The following POLR2M variants were observed in gnomAD, a reference collection of about 807,000 sequenced individuals.
The protein encoded by POLR2M is protein GRINL1A.
A neutral mutation model predicts 34.6 loss-of-function variants in POLR2M; 30 were observed. That is an observed-to-expected ratio of 0.87 (90% CI 0.65 to 1.18). POLR2M has a LOEUF of 1.18. Among genes scored for constraint, POLR2M ranks in the 50% most tolerant of loss-of-function variants. The pLI is 0.00. For synonymous variants in POLR2M, 150 were observed against 166.7 expected (o/e 0.90, Z 0.77); for missense variants, 432 against 448.7 (o/e 0.96, Z 0.34).
chr15:57,708,397 A>T (rs1176932775), intron 1 of POLR2M, among the ~76,000 whole-genome samples: 1 of 152,178 alleles, frequency 6.6e-6, no homozygotes, highest in Middle Eastern at 3.2e-3. Flanking sequence ...AATTTTGGAG[A>T]TTGCACTTTA....
rs773384822 is a variant in POLR2M, at chr15:57,714,632, C to T, written c.1060C>T (p.Arg354Ter). 5.6e-6 allele frequency: 9 copies of T among 1,612,190 alleles called. No individual in the cohort carries two copies. The highest frequency in any genetic ancestry group is 2.2e-5 in the East Asian group (1 of 44,874). Residue 354 changes from arginine to a stop codon, truncating the protein, a stop_gained, in exon 4 of 4, where the codon CGA becomes TGA. Transcript: ENST00000299638. LOFTEE classifies it high-confidence loss of function. ...AGAAGGGGAGTCTTCAGGGAGATAC[C>T]GAGAAGTAAGGGATGAAGATGACGA... ...NPEGESSGRYREVRDEDDDWS... is the reference protein window; with the variant it reads ...NPEGESSGRY
chr15:57,710,631 C>G (rs958573141), intron 2 of POLR2M, among the ~76,000 whole-genome samples: 1 of 152,142 alleles, frequency 6.6e-6, no homozygotes. Context: ...GAACCATCAT[C>G]TAGTCAATAA....
chr15:57,717,491 A>G lies in POLR2M; in HGVS notation c.*2812A>G, dbSNP rs2040993807. ...CCTTTTAAGAATTATTTTACCAGTT[A>G]TGTGTATAACAATATGGTTTACATT... On this transcript the variant is annotated 3_prime_UTR_variant, in exon 4 of 4. Coordinates refer to ENST00000299638, the MANE Select transcript of POLR2M (RefSeq NM_015532.5). 1 of 152,216 alleles carries G rather than the reference A, an allele frequency of 6.6e-6. No homozygotes were observed. The highest frequency in any genetic ancestry group is 2.4e-5 in the African/African-American group (1 of 41,448). 9.4% of individuals were successfully genotyped at this position (152,216 alleles called of 1,614,324 possible). A position where few individuals can be genotyped will look rare whatever the true frequency, so the allele number is the denominator to read the frequency against.
Position 57,714,769 on chromosome 15 carries a change from A to T in POLR2M, c.*90A>T. 6.5e-7 allele frequency: 1 copy of T among 1,534,004 alleles called. No homozygotes were observed. The highest frequency in any genetic ancestry group is 1.3e-5 in the South Asian group (1 of 78,830). The stretch of plus-strand genomic sequence containing the variant: ...TCAAGATCAGTGTCAGATATTGTTG[A>T]GGGAAGTAATTTTATAAAGTTACAC... On this transcript the variant is annotated 3_prime_UTR_variant, in exon 4 of 4. Transcript: ENST00000299638.
At chr15:57,714,438 G>T in intron 3 of POLR2M, 98 bp from the exon 4 acceptor site, 1 of 1,560,576 alleles carries the variant, frequency 6.4e-7, no homozygotes, top group South Asian at 1.2e-5. Context: ...TGAGGTGTCA[G>T]TGTCCCTCTT....
intron 2 of POLR2M, among the ~76,000 whole-genome samples, chr15:57,710,690 C>T (rs1182101762): frequency 1.3e-5 from 2 of 152,100 alleles, no homozygotes; most frequent in Non-Finnish European, 1.5e-5. Context: ...GGTCATTTAG[C>T]TGGGAGTGGG....
chr15:57,707,157 A>G, intron 1 of POLR2M: 1 of 1,512,800 alleles, frequency 6.6e-7, no homozygotes, highest in Non-Finnish European at 8.9e-7. Flanking sequence ...TATGCCTGCG[A>G]GGATAGCTCG....
rs1355448684 is a variant in POLR2M, at chr15:57,714,786, A to G, written c.*107A>G. 1 of 1,507,162 alleles carries G rather than the reference A, an allele frequency of 6.6e-7. No homozygotes were observed. The highest frequency in any genetic ancestry group is 8.9e-7 in the Non-Finnish European group (1 of 1,125,498). 93.4% of individuals were successfully genotyped at this position (1,507,162 alleles called of 1,614,324 possible). A position where few individuals can be genotyped will look rare whatever the true frequency, so the allele number is the denominator to read the frequency against. ...TATTGTTGAGGGAAGTAATTTTATA[A>G]AGTTACACAAAGGTAGTTATAAAAA... is the stretch of plus-strand genomic sequence containing the variant. On this transcript the variant is annotated 3_prime_UTR_variant, in exon 4 of 4. Coordinates refer to ENST00000299638, the MANE Select transcript of POLR2M (RefSeq NM_015532.5).
At chr15:57,707,174 A>G in intron 1 of POLR2M, 1 of 1,492,430 alleles carries the variant, frequency 6.7e-7, no homozygotes, top group Non-Finnish European at 8.9e-7. Context: ...CTCGGATTGA[A>G]CGGCTACCTG....
intron 1 of POLR2M, 118 bp downstream of exon 1, chr15:57,707,073 T>G: frequency 1.3e-6 from 2 of 1,551,546 alleles, no homozygotes; most frequent in South Asian, 2.4e-5. Flanking sequence ...CTCAGTCACA[T>G]TCGCTTCAGT....
At position 57,709,161 on chromosome 15, in the gene POLR2M, C is replaced by T. The variant is rs2040611815; in HGVS notation, c.561C>T (p.Ser187=). Reference sequence around the variant, plus strand: ...GTCAAGCGGAAGATACTTCCAGCAGCTTTGACAACCTGTTTATTGACAGGT... The same window carrying T: ...GTCAAGCGGAAGATACTTCCAGCAGTTTTGACAACCTGTTTATTGACAGGT... ...VSSQAEDTSS[S]FDNLFIDRLQ... Residue 187 remains serine, a synonymous_variant, in exon 2 of 4, where the codon AGC becomes AGT. Coordinates refer to ENST00000299638, the MANE Select transcript of POLR2M (RefSeq NM_015532.5). 1 of 1,614,110 alleles carries T rather than the reference C, an allele frequency of 6.2e-7. No homozygotes were observed. Among genetic ancestry groups the T allele is most frequent in the African/African-American group, 1.3e-5 (1 of 74,924 alleles).
At chr15:57,710,841 A>T (rs560930942) in intron 2 of POLR2M, among the ~76,000 whole-genome samples, 1 of 152,182 alleles carries the variant, frequency 6.6e-6, no homozygotes, top group East Asian at 1.9e-4. Flanking sequence ...AGGGATTGAG[A>T]GGGTTCCGTG....
In POLR2M at chr15:57,716,103, CTGTTAACA is replaced by C. The variant is rs1188654768; in HGVS notation, c.*1426_*1433del. On this transcript the variant is annotated 3_prime_UTR_variant, in exon 4 of 4. Transcript: ENST00000299638. ...ATCCTGCCATCTAGGGAGATAAACT[CTGTTAACA>C]TTTTGATGTTGTGTTTTTGCTTATT... The C allele has an allele frequency of 3.4e-4, 51 of 151,528 alleles. No individual in the cohort carries two copies. Among genetic ancestry groups the C allele is most frequent in the Admixed American group, 1.1e-3 (16 of 15,226 alleles). 9.4% of individuals were successfully genotyped at this position (151,528 alleles called of 1,614,324 possible). A position where few individuals can be genotyped will look rare whatever the true frequency, so the allele number is the denominator to read the frequency against.
At chr15:57,713,291 A>C (rs1463856281) in intron 3 of POLR2M, among the ~76,000 whole-genome samples, 2 of 152,152 alleles carry the variant, frequency 1.3e-5, no homozygotes, top group African/African-American at 4.8e-5. Context: ...TCTTTTTGAA[A>C]AAAACCATTT....
chr15:57,717,466 C>A lies in POLR2M; in HGVS notation c.*2787C>A, dbSNP rs556532344. On this transcript the variant is annotated 3_prime_UTR_variant, in exon 4 of 4. Transcript: ENST00000299638. ...TGACGTATGGTAATTCTCCCTCTGT[C>A]CTTTTAAGAATTATTTTACCAGTTA... 2.6e-5 allele frequency: 4 copies of A among 151,952 alleles called. No individual in the cohort carries two copies. The South Asian group carries it at 6.2e-4, about 24-fold the overall frequency. 9.4% of individuals were successfully genotyped at this position (151,952 alleles called of 1,614,324 possible).
Position 57,708,806 on chromosome 15 carries a change from G to A in POLR2M, c.206G>A (p.Arg69Lys). 2 of 1,613,568 alleles carry A rather than the reference G, an allele frequency of 1.2e-6. No individual in the cohort carries two copies. Among genetic ancestry groups the A allele is most frequent in the Non-Finnish European group, 1.7e-6 (2 of 1,179,770 alleles). The change falls in exon 2 of 4, where the codon AGA becomes AAA. Residue 69 changes from arginine to lysine, a missense_variant. Coordinates refer to ENST00000299638, the MANE Select transcript of POLR2M (RefSeq NM_015532.5). ...KAAIAECEEV[R>K]RKSELFNPVS... ...GCCATTGCAGAATGTGAAGAAGTTA[G>A]AAGAAAAAGTGAACTGTTTAACCCT...
rs753811492 is a variant in POLR2M at position 57,711,999 on chromosome 15, A to G, written c.774A>G (p.Gln258=). ...KFKTNVLPFR[Q]NDSSSHCQKS... is the part of the protein sequence containing the mutation. ...CTTTCATCAGGTTACCTTTTCGACA[A>G]AATGATTCATCTAGTCATTGCCAGA... is the stretch of plus-strand genomic sequence containing the variant. Residue 258 remains glutamine, a synonymous_variant, in exon 3 of 4, where the codon CAA becomes CAG. Coordinates refer to ENST00000299638, the MANE Select transcript of POLR2M (RefSeq NM_015532.5). 1 of 1,614,020 alleles carries G rather than the reference A, an allele frequency of 6.2e-7. No individual in the cohort carries two copies. The highest frequency in any genetic ancestry group is 8.5e-7 in the Non-Finnish European group (1 of 1,179,890).
At chr15:57,712,340 A>G (rs1168145278) in intron 3 of POLR2M, 152 bp downstream of exon 3, 8 of 917,526 alleles carry the variant, frequency 8.7e-6, no homozygotes, top group Admixed American at 8.7e-5. Context: ...GAGAGTCACA[A>G]AGTTGCTAGA....
At chr15:57,711,526 C>T (rs115061783) in intron 2 of POLR2M, among the ~76,000 whole-genome samples, 2,907 of 152,302 alleles carry the variant, frequency 0.019, 31 homozygotes, top group African/African-American at 0.035. Context: ...TCCTTATTTA[C>T]ATGGGTAAGC....
Sources: gnomAD v4.1 joint callset for allele counts (sites outside exome capture counted in the v4.1 genomes callset) on GRCh38, gnomAD v4.1.1 for gene constraint, MANE v1.5 for transcripts, NCBI Gene and HGNC (gene_info 2026-07-23, HGNC 2026-07-21) for gene names.